Variants in WDR33 observed in about 807,000 individuals in gnomAD.
WDR33 encodes pre-mRNA 3' end processing protein WDR33.
In WDR33, 47 loss-of-function variants were observed where a neutral mutation model predicts 164.9. The ratio of observed to expected loss-of-function variants is 0.29; its 90% CI spans 0.23 to 0.36. The LOEUF is 0.36. WDR33 is among the 10% of genes least tolerant of loss of function. WDR33 has a pLI of 1.00. For synonymous variants in WDR33, 505 were observed against 589.0 expected (o/e 0.86, Z 2.06); for missense variants, 1,137 against 1,754.1 (o/e 0.65, Z 6.28).
At position 127,713,456 on chromosome 2, in the gene WDR33, C is replaced by T; in HGVS notation, c.3308+127G>A. 1 of 1,092,874 alleles carries T rather than the reference C, an allele frequency of 9.2e-7. No individual in the cohort carries two copies. 67.7% of individuals were successfully genotyped at this position (1,092,874 alleles called of 1,614,324 possible). On this transcript the variant is annotated intron_variant, in intron 18 of 21. Transcript: ENST00000322313. The surrounding 1 kb of genome is among the most constrained non-coding windows in gnomAD (Gnocchi z 6.2). Reference sequence around the variant, plus strand: ...TTTAAACGTCCAAATGCAAACTCTACAGAGTGCAGGGCTGGTAATTGATAT... The same window carrying T: ...TTTAAACGTCCAAATGCAAACTCTATAGAGTGCAGGGCTGGTAATTGATAT...
chr2:127,787,542 A>C (rs1462516636), intron 1 of WDR33, among the ~76,000 whole-genome samples: 16 of 84,364 alleles, frequency 1.9e-4, no homozygotes, highest in Admixed American at 2.5e-4. Context: ...GGGGGCTGAC[A>C]CCCCCACCTC....
At chr2:127,775,127 C>A (rs79346274) in intron 1 of WDR33, among the ~76,000 whole-genome samples, 20,139 of 152,122 alleles carry the variant, frequency 0.13, 1,460 homozygotes, top group South Asian at 0.26. Flanking sequence ...ATGGCTACAA[C>A]AGTGAATTCT....
Position 127,718,395 on chromosome 2 carries a change from C to T in WDR33, c.2760+870G>A, listed in dbSNP as rs140720283. Among the ~76,000 whole-genome samples the T allele has an allele frequency of 1.6e-4, 24 of 152,130 alleles. No individual in the cohort carries two copies. The East Asian group carries it at 4.6e-3, about 29-fold the overall frequency. ...CAGGGACAAAACTCAGTTATTCATA[C>T]CCAAATAATGCCTCCAGACTAAGAA... On this transcript the variant is annotated intron_variant, in intron 16 of 21. Transcript: ENST00000322313. The surrounding 1 kb of genome is among the most constrained non-coding windows in gnomAD (Gnocchi z 4.4).
rs3771292 is a variant in WDR33, at chr2:127,717,389, A to T, written c.2761-126T>A. On this transcript the variant is annotated intron_variant, in intron 16 of 21. Coordinates refer to ENST00000322313, the MANE Select transcript of WDR33 (RefSeq NM_018383.5). The surrounding 1 kb of genome is among the most constrained non-coding windows in gnomAD (Gnocchi z 5.6). ...ATTTACCTAGTAAGATTACAGTAAC[A>T]TTGTCCTTAAATCAGGAGAAAGGAG... 296 of 751,286 alleles carry T rather than the reference A, an allele frequency of 3.9e-4. 1 individual carries two copies. In the East Asian group the frequency reaches 8.9e-3, roughly 23 times the overall value. 46.5% of individuals were successfully genotyped at this position (751,286 alleles called of 1,614,324 possible).
chr2:127,707,239 A>AAG (rs1278176047), intron 21 of WDR33, among the ~76,000 whole-genome samples: 3 of 151,444 alleles, frequency 2.0e-5, no homozygotes, highest in Non-Finnish European at 4.4e-5. Context: ...TAAAAAAAAA[A>AAG]AAAAAAGAAA....
In WDR33 at chr2:127,702,572, G is replaced by C. The variant is rs1325454430; in HGVS notation, c.*3751C>G. 1 of 169,126 alleles carries C rather than the reference G, an allele frequency of 5.9e-6. No homozygotes were observed. The highest frequency in any genetic ancestry group is 2.4e-5 in the African/African-American group (1 of 41,574). The allele number at this position is 169,126 out of a possible 1,614,324, so 10.5% of individuals were successfully genotyped here. On this transcript the variant is annotated 3_prime_UTR_variant, in exon 22 of 22. Coordinates refer to ENST00000322313, the MANE Select transcript of WDR33 (RefSeq NM_018383.5). Reference sequence around the variant, plus strand: ...TGTTTTGTCATTTTAAAATCCAGTGGTAGATGTAGCTTAGCGACGGTAGTT... The same window carrying C: ...TGTTTTGTCATTTTAAAATCCAGTGCTAGATGTAGCTTAGCGACGGTAGTT...
rs564712228 is a variant in WDR33 at position 127,737,027 on chromosome 2, C to A, written c.725-10250G>T. On this transcript the variant is annotated intron_variant, in intron 7 of 21. Coordinates refer to ENST00000322313, the MANE Select transcript of WDR33 (RefSeq NM_018383.5). ...GAGGGTGTATAAAATGTGTGTCAAT[C>A]TTCTATATTCTTCAGTTATAATAAC... 4 of 985,332 alleles carry A rather than the reference C, an allele frequency of 4.1e-6. No homozygotes were observed. In the African/African-American group the frequency reaches 7.0e-5, roughly 17 times the overall value. 61.0% of individuals were successfully genotyped at this position (985,332 alleles called of 1,614,324 possible). A position where few individuals can be genotyped will look rare whatever the true frequency, so the allele number is the denominator to read the frequency against.
rs1687958985 is a variant in WDR33, at chr2:127,770,290, T to C, written c.204+488A>G. 6.6e-6 allele frequency among the ~76,000 whole-genome samples: 1 copy of C among 152,242 alleles called. No individual in the cohort carries two copies. The highest frequency in any genetic ancestry group is 6.5e-5 in the Admixed American group (1 of 15,282). ...CAGAATTTTATAAAGTATTAGTGGTTTGAGGTTCTTCCTAAATTAGCCAAT... is the reference window on the plus strand; with the variant it reads ...CAGAATTTTATAAAGTATTAGTGGTCTGAGGTTCTTCCTAAATTAGCCAAT... On this transcript the variant is annotated intron_variant, in intron 2 of 21. Transcript: ENST00000322313. This position sits in a 1 kb window ranked among gnomAD's most constrained non-coding sequence, Gnocchi z 4.9.
intron 7 of WDR33, among the ~76,000 whole-genome samples, chr2:127,747,324 A>G (rs1022601261): frequency 6.6e-6 from 1 of 152,220 alleles, no homozygotes; most frequent in Non-Finnish European, 1.5e-5. Context: ...AAAACCTAAA[A>G]TGAACAAATA....
chr2:127,788,170 A>G (rs1235484084), intron 1 of WDR33, among the ~76,000 whole-genome samples: 367 of 65,604 alleles, frequency 5.6e-3, no homozygotes, highest in Middle Eastern at 0.019. Flanking sequence ...CTCACCTCCC[A>G]GACGGGGCGG....
chr2:127,786,659 G>A (rs1188861842), intron 1 of WDR33, among the ~76,000 whole-genome samples: 3 of 152,030 alleles, frequency 2.0e-5, no homozygotes. Context: ...ACTCCAGCCT[G>A]GGCAAAACAG....
chr2:127,743,519 G>A (rs1276018273), intron 7 of WDR33, among the ~76,000 whole-genome samples: 2 of 151,942 alleles, frequency 1.3e-5, no homozygotes, highest in African/African-American at 4.8e-5. Flanking sequence ...TATCTTTTTT[G>A]TTCTCATTGT....
rs138681603 is a variant in WDR33, at chr2:127,724,031, C to T, written c.1196+302G>A. Reference sequence around the variant, plus strand: ...AGGTTGAGGCTATAGTGAGCTGAGACCGCACCATTGCACGCCAGCCTGGAC... The same window carrying T: ...AGGTTGAGGCTATAGTGAGCTGAGATCGCACCATTGCACGCCAGCCTGGAC... On this transcript the variant is annotated intron_variant, in intron 11 of 21. Transcript: ENST00000322313. The surrounding 1 kb of genome is among the most constrained non-coding windows in gnomAD (Gnocchi z 4.8). Among the ~76,000 whole-genome samples the T allele has an allele frequency of 8.1e-3, 1,238 of 151,952 alleles. 20 individuals carry two copies. The highest frequency in any genetic ancestry group is 8.3e-3 in the Non-Finnish European group (564 of 67,970).
chr2:127,740,889 C>A (rs1363357691), intron 7 of WDR33, among the ~76,000 whole-genome samples: 1 of 152,208 alleles, frequency 6.6e-6, no homozygotes, highest in Non-Finnish European at 1.5e-5. Context: ...ATGTTGGCTA[C>A]AAATTTTAGG....
At chr2:127,798,769 G>A (rs1375194074) in intron 1 of WDR33, 1 of 151,842 alleles carries the variant, frequency 6.6e-6, no homozygotes, top group African/African-American at 2.4e-5. Context: ...ATCTAAAAAA[G>A]TCGTGAAAAA....
chr2:127,788,299 ACCC>A (rs1347102922), intron 1 of WDR33, among the ~76,000 whole-genome samples: 1 of 87,820 alleles, frequency 1.1e-5, no homozygotes, highest in African/African-American at 4.6e-5. Context: ...CGGGGGGCTG[ACCC>A]CCCCACCTCC....
chr2:127,810,053 T>C (rs1228476428), intron 1 of WDR33, among the ~76,000 whole-genome samples: 3 of 123,702 alleles, frequency 2.4e-5, no homozygotes, highest in South Asian at 2.9e-4. Flanking sequence ...TATATATACA[T>C]ACACACACAC....
intron 4 of WDR33, 31 bp downstream of exon 4, chr2:127,768,158 T>A: frequency 7.2e-7 from 1 of 1,393,894 alleles, no homozygotes. Context: ...CAGGATTAAT[T>A]TTCCCCCAAA....
At chr2:127,780,637 G>A (rs1688339716) in intron 1 of WDR33, among the ~76,000 whole-genome samples, 1 of 152,116 alleles carries the variant, frequency 6.6e-6, no homozygotes, top group African/African-American at 2.4e-5. Flanking sequence ...GCCAAGGTGG[G>A]AGGATCACTT....
Sources: gnomAD v4.1 joint callset for allele counts (sites outside exome capture counted in the v4.1 genomes callset) on GRCh38, gnomAD v4.1.1 for gene constraint, Gnocchi (gnomAD v3.1) non-coding constraint, MANE v1.5 for transcripts, NCBI Gene and HGNC (gene_info 2026-07-23, HGNC 2026-07-21) for gene names.